OLA1: variants seen among roughly 807,000 people sequenced by gnomAD.
OLA1 encodes the protein obg-like ATPase 1.
Under a neutral mutation model 48.4 loss-of-function variants are expected in OLA1, and 14 were observed. That is an observed-to-expected ratio of 0.29 (90% CI 0.19 to 0.45). The LOEUF (loss-of-function observed/expected upper bound fraction) is 0.45. OLA1 is among the 20% of genes least tolerant of loss of function. The probability of loss-of-function intolerance (pLI) is 1.00; values close to 1 mark genes in which losing one functional copy is unlikely to be tolerated. For missense variants in OLA1, 325 were observed against 467.1 expected (o/e 0.70, Z 2.80); for synonymous variants, 127 against 150.4 (o/e 0.84, Z 1.14).
chr2:174,123,690 GA>G lies in OLA1; in HGVS notation c.550-16del, dbSNP rs1240592461. On this transcript the variant is annotated splice_polypyrimidine_tract_variant and intron_variant, in intron 5 of 10. Transcript: ENST00000284719. The stretch of plus-strand genomic sequence containing the variant: ...CACATTATATCCTACACATGATTGA[GA>G]AAAAGGTAAATATATATGAATAACT... 5.0e-6 allele frequency: 7 copies of G among 1,395,572 alleles called. No homozygotes were observed. Among genetic ancestry groups the G allele is most frequent in the Non-Finnish European group, 4.9e-6 (5 of 1,021,340 alleles). The allele number at this position is 1,395,572 out of a possible 1,614,324, so 86.4% of individuals were successfully genotyped here. A position where few individuals can be genotyped will look rare whatever the true frequency, so the allele number is the denominator to read the frequency against.
At chr2:174,216,520 A>G (rs1172271867) in intron 4 of OLA1, among the ~76,000 whole-genome samples, 1 of 152,166 alleles carries the variant, frequency 6.6e-6, no homozygotes, top group Non-Finnish European at 1.5e-5. Flanking sequence ...GACAGTATCA[A>G]TAAAATACAG....
chr2:174,122,988 G>C (rs1282503303), intron 7 of OLA1, among the ~76,000 whole-genome samples, 192 bp downstream of exon 7: 2 of 151,990 alleles, frequency 1.3e-5, no homozygotes, highest in Non-Finnish European at 2.9e-5. Flanking sequence ...TTTTTCTTAA[G>C]TTCTCTAAGT....
Position 174,081,326 on chromosome 2 carries a change from T to C in OLA1, c.870-78A>G, listed in dbSNP as rs1367131281. 7 of 1,018,462 alleles carry C rather than the reference T, an allele frequency of 6.9e-6. No individual in the cohort carries two copies. The East Asian group carries it at 1.7e-4, about 25-fold the overall frequency. 63.1% of individuals were successfully genotyped at this position (1,018,462 alleles called of 1,614,324 possible). ...ATTGGTATAGAGCTAAAATTATTCA[T>C]TTCAAGCAGAAAATGTTAAAGATAG... On this transcript the variant is annotated intron_variant, in intron 8 of 10. Coordinates refer to ENST00000284719, the MANE Select transcript of OLA1 (RefSeq NM_013341.5).
chr2:174,095,360 T>TTGTTGA (rs1480201230), intron 7 of OLA1, among the ~76,000 whole-genome samples: 2 of 148,564 alleles, frequency 1.3e-5, no homozygotes, highest in African/African-American at 5.0e-5. Flanking sequence ...GTTGTTGTTG[T>TTGTTGA]TGTTTTTATA....
chr2:174,236,253 T>C (rs1267560914), intron 2 of OLA1, among the ~76,000 whole-genome samples: 1 of 152,074 alleles, frequency 6.6e-6, no homozygotes, highest in Non-Finnish European at 1.5e-5. Flanking sequence ...TAAAAGGACC[T>C]TAAAATAAAT....
intron 4 of OLA1, among the ~76,000 whole-genome samples, chr2:174,200,389 A>G (rs576690009): frequency 4.6e-5 from 7 of 152,296 alleles, no homozygotes; most frequent in Non-Finnish European, 7.4e-5. Flanking sequence ...GCTACAAAGG[A>G]TAGTTGAGTG....
At chr2:174,077,792 A>T (rs981020298) in intron 10 of OLA1, among the ~76,000 whole-genome samples, 3 of 151,988 alleles carry the variant, frequency 2.0e-5, no homozygotes, top group African/African-American at 4.8e-5. Flanking sequence ...CTAGTAATAG[A>T]AAACATCCTC....
At chr2:174,237,051 CTTTAAT>C (rs1688870043) in intron 2 of OLA1, among the ~76,000 whole-genome samples, 1 of 152,116 alleles carries the variant, frequency 6.6e-6, no homozygotes, top group South Asian at 2.1e-4. Context: ...ACTTTATCAA[CTTTAAT>C]TTTAACTTAC....
intron 7 of OLA1, among the ~76,000 whole-genome samples, chr2:174,090,927 C>A (rs955283290): frequency 1.3e-5 from 2 of 152,206 alleles, no homozygotes; most frequent in Admixed American, 6.5e-5. Flanking sequence ...TCCCTGAACT[C>A]CCATGTGGGC....
intron 10 of OLA1, among the ~76,000 whole-genome samples, chr2:174,077,810 T>TCTTCCTTATGAAA (rs1018692940): frequency 6.6e-6 from 1 of 152,012 alleles, no homozygotes; most frequent in Admixed American, 6.6e-5. Context: ...CTCATTTTTA[T>TCTTCCTTATGAAA]CTTCCTTATG....
chr2:174,134,634 T>C (rs909530675), intron 5 of OLA1, among the ~76,000 whole-genome samples: 5 of 152,212 alleles, frequency 3.3e-5, no homozygotes, highest in Non-Finnish European at 5.9e-5. Context: ...AACTTACAGA[T>C]AAGCTGTAAG....
At chr2:174,154,097 CTG>C (rs1686812352) in intron 4 of OLA1, among the ~76,000 whole-genome samples, 2 of 152,122 alleles carry the variant, frequency 1.3e-5, no homozygotes, top group South Asian at 4.1e-4. Context: ...TCTTGAACTG[CTG>C]GGTGGAAGCA....
At chr2:174,241,300 C>A (rs13424932) in intron 2 of OLA1, among the ~76,000 whole-genome samples, 26,177 of 152,186 alleles carry the variant, frequency 0.17, 2,632 homozygotes, top group Non-Finnish European at 0.24. Context: ...ACATTCCCGA[C>A]GAACAAAAAT....
intron 4 of OLA1, among the ~76,000 whole-genome samples, chr2:174,171,592 G>A (rs1687305257): frequency 1.3e-5 from 2 of 152,194 alleles, no homozygotes; most frequent in Admixed American, 6.5e-5. Flanking sequence ...ACCTATCAAC[G>A]TATGTGGGAT....
At chr2:174,093,883 T>C (rs1347504185) in intron 7 of OLA1, among the ~76,000 whole-genome samples, 1 of 152,384 alleles carries the variant, frequency 6.6e-6, no homozygotes, top group Admixed American at 6.5e-5. Flanking sequence ...AATAGGCTGA[T>C]GTAGTTTATA....
intron 5 of OLA1, among the ~76,000 whole-genome samples, chr2:174,138,956 T>A (rs1303099743): frequency 6.6e-6 from 1 of 152,232 alleles, no homozygotes; most frequent in Non-Finnish European, 1.5e-5. Context: ...TTTCTAAGTA[T>A]AATGCTTTCC....
At chr2:174,132,392 G>A (rs1347129218) in intron 5 of OLA1, among the ~76,000 whole-genome samples, 1 of 151,120 alleles carries the variant, frequency 6.6e-6, no homozygotes, top group African/African-American at 2.4e-5. Context: ...AATTTCTCTG[G>A]GTTCCTTTTA....
In OLA1 at chr2:174,222,965, T is replaced by G. The variant is rs74652218; in HGVS notation, c.373+68A>C. ...TTCCATTAGTCATTTCTAATTTTATTTGTGCACTAATGGAAAGAAAACACT... is the reference window on the plus strand; with the variant it reads ...TTCCATTAGTCATTTCTAATTTTATGTGTGCACTAATGGAAAGAAAACACT... On this transcript the variant is annotated intron_variant, in intron 4 of 10. Transcript: ENST00000284719. The G allele has an allele frequency of 6.0e-4, 880 of 1,457,114 alleles. 5 individuals are homozygous for G. The African/African-American group carries it at 0.01, about 17-fold the overall frequency. The allele number at this position is 1,457,114 out of a possible 1,614,324, so 90.3% of individuals were successfully genotyped here.
At chr2:174,144,009 T>G (rs1574506410) in intron 4 of OLA1, among the ~76,000 whole-genome samples, 1 of 151,836 alleles carries the variant, frequency 6.6e-6, no homozygotes, top group Admixed American at 6.6e-5. Flanking sequence ...GAGGCTAAGG[T>G]AGGAGGACTG....
Sources: gnomAD v4.1 joint callset for allele counts (sites outside exome capture counted in the v4.1 genomes callset) on GRCh38, gnomAD v4.1.1 for gene constraint, MANE v1.5 for transcripts, NCBI Gene and HGNC (gene_info 2026-07-23, HGNC 2026-07-21) for gene names.